The following STXBP5L variants were observed in gnomAD, a reference collection of about 807,000 sequenced individuals.
The protein encoded by STXBP5L is syntaxin-binding protein 5-like.
Under a neutral mutation model 144.5 loss-of-function variants are expected in STXBP5L, and 65 were observed. That is an observed-to-expected ratio of 0.45 (90% confidence interval 0.37 to 0.55). The LOEUF is 0.55. Ranked by LOEUF, STXBP5L falls within the 20% of genes least tolerant of loss-of-function variation. The pLI is 0.00. For synonymous variants in STXBP5L, 505 were observed against 469.6 expected, an observed-to-expected ratio of 1.08 and a Z score of -0.97; for missense variants, 1,298 against 1,405.5, an observed-to-expected ratio of 0.92 and a Z score of 1.22.
chr3:121,281,740 G>A (rs957032036), intron 19 of STXBP5L, among the ~76,000 whole-genome samples: 1 of 151,840 alleles, frequency 6.6e-6, no homozygotes. Context: ...TTTAAAATCA[G>A]GAAAATCTGT....
rs189461811 is a variant in STXBP5L at position 121,237,755 on chromosome 3, A to C, written c.1185-1216A>C. 2.0e-5 allele frequency among the ~76,000 whole-genome samples: 3 copies of C among 152,176 alleles called. No homozygotes were observed. The East Asian group carries it at 5.8e-4, about 29-fold the overall frequency. ...CTTCTTGAGCACTTTGCTGCTTAGA[A>C]TTTTTTTCTTCCAGATACTCTAGGT... On this transcript the variant is annotated intron_variant, in intron 12 of 26. Transcript: ENST00000471454.
At chr3:121,329,607 T>C (rs1026409065) in intron 20 of STXBP5L, among the ~76,000 whole-genome samples, 3 of 152,184 alleles carry the variant, frequency 2.0e-5, no homozygotes, top group Admixed American at 2.0e-4. Context: ...ATGCCTGTAA[T>C]CCCAGTGCTT....
chr3:121,318,428 C>G (rs1407502320), intron 19 of STXBP5L, 47 bp from the exon 20 acceptor site: 7 of 1,463,830 alleles, frequency 4.8e-6, no homozygotes, highest in Non-Finnish European at 6.4e-6. Context: ...GAATAACCTA[C>G]AAAATGCTAG....
intron 2 of STXBP5L, among the ~76,000 whole-genome samples, chr3:120,916,882 C>CCTATAAATTGACTAAAAACTTGT (rs1389642569): frequency 6.6e-5 from 10 of 152,064 alleles, no homozygotes; most frequent in Non-Finnish European, 1.0e-4. Flanking sequence ...TTACTTTGTT[C>CCTATAAATTGACTAAAAACTTGT]CTATAAATTG....
rs2047378680 is a variant in STXBP5L at position 121,422,780 on chromosome 3, C to T, written c.*3683C>T. ...CTCAAATAAATAAATCAAAATCCAA[C>T]TCCTTTCCCTCAAAGTTTCTAGGGA... On this transcript the variant is annotated 3_prime_UTR_variant, in exon 27 of 27. Transcript: ENST00000471454. 1 of 152,126 alleles carries T rather than the reference C, an allele frequency of 6.6e-6. No homozygotes were observed. The highest frequency in any genetic ancestry group is 1.5e-5 in the Non-Finnish European group (1 of 68,008). 9.4% of individuals were successfully genotyped at this position (152,126 alleles called of 1,614,324 possible).
intron 22 of STXBP5L, among the ~76,000 whole-genome samples, chr3:121,401,821 C>A (rs1239695169): frequency 4.4e-5 from 6 of 135,954 alleles, no homozygotes; most frequent in Non-Finnish European, 7.8e-5. Context: ...GTGCAGCGCA[C>A]CAGCATGGCA....
At chr3:121,068,924 G>A (rs1453763684) in intron 5 of STXBP5L, among the ~76,000 whole-genome samples, 2 of 152,004 alleles carry the variant, frequency 1.3e-5, no homozygotes, top group Non-Finnish European at 2.9e-5. Flanking sequence ...AATAGTTGCA[G>A]ATTTGTAGGA....
intron 3 of STXBP5L, among the ~76,000 whole-genome samples, chr3:120,974,508 T>C (rs544923038): frequency 6.6e-6 from 1 of 151,628 alleles, no homozygotes; most frequent in Admixed American, 6.6e-5. Flanking sequence ...TTCACTCTGA[T>C]GGTATTTTCT....
At chr3:120,972,942 C>G (rs1219056036) in intron 3 of STXBP5L, among the ~76,000 whole-genome samples, 1 of 152,020 alleles carries the variant, frequency 6.6e-6, no homozygotes, top group Non-Finnish European at 1.5e-5. Context: ...GGTGTATTAT[C>G]TTCTTGATGT....
At chr3:121,095,490 T>G (rs144242579) in intron 5 of STXBP5L, among the ~76,000 whole-genome samples, 1,578 of 152,340 alleles carry the variant, frequency 0.01, 13 homozygotes, top group Middle Eastern at 0.024. Flanking sequence ...CATTTCTTTT[T>G]ACTCTTTTTT....
intron 19 of STXBP5L, among the ~76,000 whole-genome samples, chr3:121,316,750 T>C (rs1467446054): frequency 6.6e-6 from 1 of 152,214 alleles, no homozygotes. Flanking sequence ...TACAGTGATG[T>C]CTTTAAAACC....
At chr3:121,138,273 G>T (rs376883353) in intron 7 of STXBP5L, among the ~76,000 whole-genome samples, 5 of 151,898 alleles carry the variant, frequency 3.3e-5, no homozygotes, top group African/African-American at 9.7e-5. Flanking sequence ...ACACATAAAT[G>T]GAAAGCTATC....
intron 3 of STXBP5L, among the ~76,000 whole-genome samples, chr3:121,008,308 G>T (rs1220489559): frequency 3.9e-5 from 6 of 151,900 alleles, no homozygotes; most frequent in Non-Finnish European, 8.8e-5. Context: ...GTCATGAGAG[G>T]TTCTAAAGTA....
At chr3:121,227,821 C>T (rs1241161999) in intron 11 of STXBP5L, among the ~76,000 whole-genome samples, 2 of 152,104 alleles carry the variant, frequency 1.3e-5, no homozygotes, top group African/African-American at 4.8e-5. Context: ...TACAATTTTA[C>T]ACTTTTTAAT....
chr3:121,409,492 T>C (rs973605465), intron 23 of STXBP5L, among the ~76,000 whole-genome samples: 1 of 151,860 alleles, frequency 6.6e-6, no homozygotes, highest in Non-Finnish European at 1.5e-5. Flanking sequence ...CAAAAGCTAA[T>C]TTTCAAGGAG....
intron 3 of STXBP5L, among the ~76,000 whole-genome samples, chr3:121,013,780 C>T (rs566860205): frequency 1.1e-4 from 16 of 152,054 alleles, no homozygotes; most frequent in African/African-American, 3.6e-4. Flanking sequence ...TGAGATGTTA[C>T]ATTTAAGTCT....
intron 2 of STXBP5L, among the ~76,000 whole-genome samples, chr3:120,920,074 C>T (rs1443283963): frequency 6.6e-6 from 1 of 151,882 alleles, no homozygotes; most frequent in Middle Eastern, 3.4e-3. Context: ...TGGAAAATGT[C>T]TGAAATATAT....
intron 19 of STXBP5L, among the ~76,000 whole-genome samples, chr3:121,282,953 C>T (rs575293052): frequency 6.6e-5 from 10 of 151,624 alleles, no homozygotes; most frequent in Admixed American, 5.9e-4. Context: ...AACACAGATC[C>T]GAAGATATCT....
chr3:121,193,056 T>G lies in STXBP5L; in HGVS notation c.878-12867T>G, dbSNP rs147737451. Among the ~76,000 whole-genome samples, 1,642 of 141,552 alleles carry G rather than the reference T, an allele frequency of 0.012. 399 individuals carry two copies. In the East Asian group the frequency reaches 0.25, roughly 21 times the overall value. The allele number at this position is 141,552 out of a possible 152,430, so 92.9% of individuals were successfully genotyped here. On this transcript the variant is annotated intron_variant, in intron 9 of 26. Coordinates refer to ENST00000471454, the MANE Select transcript of STXBP5L (RefSeq NM_001308330.2). Reference sequence around the variant, plus strand: ...AGGCAACCTACAGAATGGGAGAAAATTTTTACAATCTACCTATCTGACAAA... The same window carrying G: ...AGGCAACCTACAGAATGGGAGAAAAGTTTTACAATCTACCTATCTGACAAA...
Sources: allele counts gnomAD v4.1 joint callset (sites outside exome capture counted in the v4.1 genomes callset), GRCh38; gene constraint gnomAD v4.1.1; transcripts MANE v1.5; gene names NCBI Gene and HGNC (gene_info 2026-07-23, HGNC 2026-07-21).